Variants in ZNF609 observed in about 807,000 individuals in gnomAD.
ZNF609 encodes the protein zinc finger protein 609.
A neutral mutation model predicts 109.5 loss-of-function variants in ZNF609; 11 were observed. That is an observed-to-expected ratio of 0.10 (90% CI 0.06 to 0.17). The LOEUF is 0.17. Ranked by LOEUF, ZNF609 falls within the 10% of genes least tolerant of loss-of-function variation. The pLI is 1.00. For synonymous variants in ZNF609, 646 were observed against 662.0 expected (o/e 0.98, Z 0.37); for missense variants, 1,559 against 1,772.4 (o/e 0.88, Z 2.16).
intron 1 of ZNF609, among the ~76,000 whole-genome samples, chr15:64,463,346 C>G (rs1321594776): frequency 2.7e-5 from 4 of 150,758 alleles, no homozygotes; most frequent in Non-Finnish European, 4.4e-5. Context: ...CTGCAGTGAG[C>G]TGTGATTGCA....
intron 2 of ZNF609, among the ~76,000 whole-genome samples, chr15:64,549,307 C>A (rs1039481984): frequency 2.6e-5 from 4 of 152,072 alleles, no homozygotes; most frequent in African/African-American, 9.7e-5. Flanking sequence ...TCTCCTGCCT[C>A]AGCCTCCAGA....
intron 2 of ZNF609, among the ~76,000 whole-genome samples, chr15:64,561,675 T>G (rs1467830645): frequency 2.0e-5 from 3 of 151,594 alleles, no homozygotes; most frequent in Non-Finnish European, 4.4e-5. Context: ...GGATTACAGG[T>G]GTGAGCCACC....
At chr15:64,670,742 G>A (rs1209773370) in intron 4 of ZNF609, among the ~76,000 whole-genome samples, 1 of 151,884 alleles carries the variant, frequency 6.6e-6, no homozygotes, top group Non-Finnish European at 1.5e-5. Context: ...GCCAGGCATG[G>A]TGGTGCATGC....
rs766155667 is a variant in ZNF609, at chr15:64,676,203, G to A, written c.3349G>A (p.Gly1117Ser). 1.2e-4 allele frequency: 189 copies of A among 1,613,838 alleles called. 1 individual carries two copies. Among genetic ancestry groups the A allele is most frequent in the Non-Finnish European group, 1.6e-4 (185 of 1,179,940 alleles). ...LSKEASEAKT[G>S]AECGRQAEMD... Reference sequence around the variant, plus strand: ...CAAGGAGGCCTCTGAGGCCAAGACAGGTGCTGAGTGTGGTCGACAGGCAGA... The same window carrying A: ...CAAGGAGGCCTCTGAGGCCAAGACAAGTGCTGAGTGTGGTCGACAGGCAGA... Residue 1117 changes from glycine (G) to serine (S), a missense_variant, in exon 5 of 10, where the codon GGT becomes AGT. By Grantham distance (56) the Gly-to-Ser change is moderately conservative (BLOSUM62 0). Around this residue, in one of 4 missense-constraint regions of ZNF609, gnomAD observed 1,204 missense variants for 1,314.1 expected, o/e 0.92. Coordinates refer to ENST00000326648, the MANE Select transcript of ZNF609 (RefSeq NM_015042.2).
chr15:64,657,277 A>T (rs1050145375), intron 3 of ZNF609, among the ~76,000 whole-genome samples: 7 of 150,988 alleles, frequency 4.6e-5, no homozygotes, highest in African/African-American at 1.7e-4. Flanking sequence ...AAAAAAAATT[A>T]TAAAAAATAA....
chr15:64,503,351 G>A (rs865861477), intron 2 of ZNF609, among the ~76,000 whole-genome samples: 3 of 152,306 alleles, frequency 2.0e-5, no homozygotes, highest in Non-Finnish European at 1.5e-5. Context: ...GGGAGGGAAT[G>A]TTGAGGAATA....
rs1258049363 is a variant in ZNF609, at chr15:64,673,906, CT to C, written c.1062-7del. 3 of 1,605,462 alleles carry C rather than the reference CT, an allele frequency of 1.9e-6. No homozygotes were observed. On this transcript the variant is annotated splice_polypyrimidine_tract_variant and intron_variant, in intron 4 of 9. Transcript: ENST00000326648. ...TTAATAATATTCTGTTGTGTTTATC[CT>C]TTGCCAAGGTTCTGTGACTCCCCGA...
chr15:64,655,600 G>A (rs1896478333), intron 3 of ZNF609, among the ~76,000 whole-genome samples: 1 of 152,186 alleles, frequency 6.6e-6, no homozygotes, highest in Non-Finnish European at 1.5e-5. Flanking sequence ...GCCAAGGCGG[G>A]TGGATCACCT....
At chr15:64,680,536 TA>T in intron 7 of ZNF609, 109 bp from the exon 8 acceptor site, 1 of 1,288,420 alleles carries the variant, frequency 7.8e-7, no homozygotes, top group Non-Finnish European at 1.1e-6. Context: ...TTAGGGGTCA[TA>T]AGGTGGCACC....
At chr15:64,565,787 C>G (rs147328916) in intron 2 of ZNF609, among the ~76,000 whole-genome samples, 1 of 152,284 alleles carries the variant, frequency 6.6e-6, no homozygotes, top group East Asian at 1.9e-4. Context: ...TGAGTACTTA[C>G]TTTACACTGA....
intron 3 of ZNF609, among the ~76,000 whole-genome samples, chr15:64,650,475 CAAAT>C (rs1896400460): frequency 6.7e-6 from 1 of 150,176 alleles, no homozygotes; most frequent in African/African-American, 2.4e-5. Flanking sequence ...ATTTCTAAAT[CAAAT>C]AAGTTCAGTC....
intron 2 of ZNF609, among the ~76,000 whole-genome samples, chr15:64,584,358 C>T (rs1718995729): frequency 6.6e-6 from 1 of 152,080 alleles, no homozygotes; most frequent in African/African-American, 2.4e-5. Flanking sequence ...CAGAGCCTTG[C>T]TCTGTCACCT....
At chr15:64,531,720 C>T (rs1451924759) in intron 2 of ZNF609, among the ~76,000 whole-genome samples, 1 of 152,032 alleles carries the variant, frequency 6.6e-6, no homozygotes, top group Non-Finnish European at 1.5e-5. Flanking sequence ...TAACACATGA[C>T]CTTGGAAAAC....
intron 2 of ZNF609, among the ~76,000 whole-genome samples, chr15:64,578,923 G>A (rs945821647): frequency 5.3e-5 from 8 of 152,192 alleles, no homozygotes; most frequent in African/African-American, 1.7e-4. Context: ...GATTGCTTGA[G>A]CCCAAGAGGT....
chr15:64,499,326 A>G lies in ZNF609; in HGVS notation c.-94A>G, dbSNP rs909692571. ...TTGTCCACTGGGCATGTACTGACCA[A>G]TGTGGCAGGTCTGAGAACATAGCTG... is the stretch of plus-strand genomic sequence containing the variant. On this transcript the variant is annotated 5_prime_UTR_variant, in exon 2 of 10. It removes an upstream start codon present in the reference 5' UTR. Transcript: ENST00000326648. 12 of 1,506,320 alleles carry G rather than the reference A, an allele frequency of 8.0e-6. No homozygotes were observed. The African/African-American group carries it at 1.1e-4, about 14-fold the overall frequency. The allele number at this position is 1,506,320 out of a possible 1,614,324, so 93.3% of individuals were successfully genotyped here.
At chr15:64,480,578 CAT>C (rs902024016) in intron 1 of ZNF609, among the ~76,000 whole-genome samples, 3 of 151,982 alleles carry the variant, frequency 2.0e-5, no homozygotes, top group African/African-American at 7.2e-5. Context: ...ATTCTCATCT[CAT>C]ATGCTTGATG....
At chr15:64,478,730 A>G (rs1893207537) in intron 1 of ZNF609, among the ~76,000 whole-genome samples, 1 of 152,112 alleles carries the variant, frequency 6.6e-6, no homozygotes, top group African/African-American at 2.4e-5. Flanking sequence ...AAAATCTATT[A>G]CTTTTAAGCA....
In ZNF609 at chr15:64,523,228, C is replaced by T. The variant is rs933328933; in HGVS notation, c.747+23062C>T. 2.0e-5 allele frequency among the ~76,000 whole-genome samples: 3 copies of T among 152,164 alleles called. No homozygotes were observed. The East Asian group carries it at 5.8e-4, about 29-fold the overall frequency. On this transcript the variant is annotated intron_variant, in intron 2 of 9. Transcript: ENST00000326648. ...CAGGGTATATTTTAATTTATATTCTCCAAAAGTATACATCCTATACTATGA... is the reference window on the plus strand; with the variant it reads ...CAGGGTATATTTTAATTTATATTCTTCAAAAGTATACATCCTATACTATGA...
chr15:64,642,874 C>T (rs1040480687), intron 3 of ZNF609, among the ~76,000 whole-genome samples: 6 of 152,106 alleles, frequency 3.9e-5, no homozygotes, highest in African/African-American at 1.4e-4. Context: ...AACAACTATG[C>T]ACCAATTTAA....
Sources: allele counts gnomAD v4.1 joint callset (sites outside exome capture counted in the v4.1 genomes callset), GRCh38; gene constraint gnomAD v4.1.1; regional missense constraint gnomAD v4.1.1; transcripts MANE v1.5; gene names NCBI Gene and HGNC (gene_info 2026-07-23, HGNC 2026-07-21).